Variants in TBC1D32 observed in about 807,000 individuals in gnomAD.
The protein encoded by TBC1D32 is TBC1 domain family member 32.
In TBC1D32, 151 loss-of-function variants were observed where a neutral mutation model predicts 170.3. That is an observed-to-expected ratio of 0.89 (90% CI 0.78 to 1.01). The LOEUF (loss-of-function observed/expected upper bound fraction) is 1.01. Ranked by LOEUF, TBC1D32 falls within the 50% of genes least tolerant of loss-of-function variation. TBC1D32 has a pLI of 0.00. For missense variants in TBC1D32, 1,464 were observed against 1,457.1 expected (o/e 1.00, Z -0.08); for synonymous variants, 498 against 488.0 (o/e 1.02, Z -0.27).
chr6:121,110,572 A>G (rs1024830511), intron 29 of TBC1D32, among the ~76,000 whole-genome samples: 1 of 152,154 alleles, frequency 6.6e-6, no homozygotes, highest in Non-Finnish European at 1.5e-5. Context: ...TTGTACTATC[A>G]ACAGCTATAG....
At chr6:121,136,704 T>C (rs938594799) in intron 24 of TBC1D32, among the ~76,000 whole-genome samples, 3 of 152,170 alleles carry the variant, frequency 2.0e-5, no homozygotes, top group African/African-American at 7.2e-5. Context: ...GAGAAAATGT[T>C]CTATATTTGA....
chr6:121,168,636 G>A (rs1232998243), intron 22 of TBC1D32, among the ~76,000 whole-genome samples: 20 of 122,236 alleles, frequency 1.6e-4, no homozygotes, highest in African/African-American at 2.4e-4. Context: ...TGGGTGCAGC[G>A]CACCAGCATG....
At chr6:121,094,744 C>A (rs1203303911) in intron 30 of TBC1D32, among the ~76,000 whole-genome samples, 1 of 152,128 alleles carries the variant, frequency 6.6e-6, no homozygotes, top group Non-Finnish European at 1.5e-5. Context: ...CCTCCAACTG[C>A]ATAATATTCC....
intron 22 of TBC1D32, among the ~76,000 whole-genome samples, chr6:121,193,238 T>A (rs80290244): frequency 2.0e-5 from 3 of 152,302 alleles, no homozygotes; most frequent in Non-Finnish European, 2.9e-5. Context: ...GGTCTAACAG[T>A]CTATTTGCTT....
intron 30 of TBC1D32, among the ~76,000 whole-genome samples, chr6:121,094,741 C>A (rs1261215081): frequency 1.3e-5 from 2 of 152,124 alleles, no homozygotes; most frequent in Non-Finnish European, 2.9e-5. Flanking sequence ...TTTCCTCCAA[C>A]TGCATAATAT....
At chr6:121,114,191 C>A (rs571622276) in intron 27 of TBC1D32, among the ~76,000 whole-genome samples, 2 of 152,246 alleles carry the variant, frequency 1.3e-5, no homozygotes, top group Admixed American at 1.3e-4. Context: ...CACACAAAAT[C>A]TCTTTGCTCG....
At chr6:121,333,229 A>G (rs1460911460) in intron 1 of TBC1D32, among the ~76,000 whole-genome samples, 1 of 152,166 alleles carries the variant, frequency 6.6e-6, no homozygotes, top group African/African-American at 2.4e-5. Flanking sequence ...TGGGTTAAAA[A>G]CATTAGTAAT....
chr6:121,303,645 G>C lies in TBC1D32; in HGVS notation c.1052C>G (p.Thr351Ser). Residue 351 changes from threonine to serine, a missense_variant, in exon 9 of 32, where the codon ACC becomes AGC. Thr to Ser is a moderately conservative substitution (Grantham distance 58). Coordinates refer to ENST00000398212, the MANE Select transcript of TBC1D32 (RefSeq NM_152730.6). ...CCACTTTTTGAACCACACAGCCTTGGTATCAACTAATGCAAAAAAGTAGAT... is the reference window on the plus strand; with the variant it reads ...CCACTTTTTGAACCACACAGCCTTGCTATCAACTAATGCAAAAAAGTAGAT... ...DPIYFFALVD[T>S]KAVWFKKWMH... is the part of the protein sequence containing the mutation. 1 of 1,588,084 alleles carries C rather than the reference G, an allele frequency of 6.3e-7. No individual in the cohort carries two copies. Among genetic ancestry groups the C allele is most frequent in the Non-Finnish European group, 8.6e-7 (1 of 1,162,944 alleles).
chr6:121,239,985 A>T (rs1349474979), intron 19 of TBC1D32, among the ~76,000 whole-genome samples: 1 of 152,172 alleles, frequency 6.6e-6, no homozygotes, highest in African/African-American at 2.4e-5. Flanking sequence ...TTAGCTGTTC[A>T]TCCTTGCAAA....
intron 22 of TBC1D32, among the ~76,000 whole-genome samples, chr6:121,180,453 C>T (rs1050573013): frequency 2.0e-5 from 3 of 152,120 alleles, no homozygotes; most frequent in African/African-American, 4.8e-5. Flanking sequence ...TACACACTTA[C>T]AGCCAACTCC....
intron 17 of TBC1D32, among the ~76,000 whole-genome samples, chr6:121,246,237 C>T (rs1170385515): frequency 1.3e-5 from 2 of 152,260 alleles, no homozygotes; most frequent in African/African-American, 4.8e-5. Context: ...ATAACTACTA[C>T]AACTGGCATC....
At chr6:121,334,535 T>C (rs548949402), upstream of TBC1D32, 2 of 1,384,474 alleles carry the variant, frequency 1.4e-6, no homozygotes, top group Non-Finnish European at 1.9e-6. Flanking sequence ...ACGTGCGGCG[T>C]CGTTCCCAGG....
chr6:121,144,594 G>T (rs185233696), intron 24 of TBC1D32, among the ~76,000 whole-genome samples: 40 of 152,118 alleles, frequency 2.6e-4, no homozygotes, highest in African/African-American at 8.9e-4. Context: ...TTTTGGGGGA[G>T]TATTAAAAAT....
intron 21 of TBC1D32, among the ~76,000 whole-genome samples, chr6:121,217,504 T>C (rs1425065810): frequency 6.6e-6 from 1 of 152,250 alleles, no homozygotes; most frequent in Non-Finnish European, 1.5e-5. Context: ...ATGTCTTTCA[T>C]GGCAACATGG....
chr6:121,100,840 C>T (rs1204936689), intron 30 of TBC1D32, among the ~76,000 whole-genome samples: 1 of 151,632 alleles, frequency 6.6e-6, no homozygotes, highest in Non-Finnish European at 1.5e-5. Context: ...AGACTGCTAG[C>T]CAGACTAATA....
At chr6:121,213,482 A>C (rs145719228) in intron 21 of TBC1D32, among the ~76,000 whole-genome samples, 46,509 of 72,886 alleles carry the variant, frequency 0.64, 12,268 homozygotes, top group Non-Finnish European at 0.69. Context: ...AATAAAATAA[A>C]ATAAAATAAA....
chr6:121,276,655 C>A (rs1031983622), intron 15 of TBC1D32, among the ~76,000 whole-genome samples: 14 of 151,840 alleles, frequency 9.2e-5, no homozygotes, highest in African/African-American at 3.4e-4. Context: ...TATAAAAATC[C>A]CACTTTACAC....
At chr6:121,300,639 C>T (rs1806318277) in intron 9 of TBC1D32, among the ~76,000 whole-genome samples, 1 of 152,128 alleles carries the variant, frequency 6.6e-6, no homozygotes, top group African/African-American at 2.4e-5. Flanking sequence ...GCAAAGACTT[C>T]ATGACTAAAA....
At position 121,098,863 on chromosome 6, in the gene TBC1D32, G is replaced by A. The variant is rs149527298; in HGVS notation, c.3465+7160C>T. ...GACAAGCAAAAATAACTCACAGGAA[G>A]GGAGAAGGTATCATCTCAAGGCGCA... On this transcript the variant is annotated intron_variant, in intron 30 of 31. Transcript: ENST00000398212. 2.9e-3 allele frequency among the ~76,000 whole-genome samples: 440 copies of A among 151,952 alleles called. 1 individual carries two copies. Among genetic ancestry groups the A allele is most frequent in the African/African-American group, 0.01 (423 of 41,488 alleles).
Sources: gnomAD v4.1 joint callset for allele counts (sites outside exome capture counted in the v4.1 genomes callset) on GRCh38, gnomAD v4.1.1 for gene constraint, MANE v1.5 for transcripts, NCBI Gene and HGNC (gene_info 2026-07-23, HGNC 2026-07-21) for gene names.